Variants in PLCH1 observed in about 807,000 individuals in gnomAD.
The protein encoded by PLCH1 is phospholipase C eta 1, also known as 1-phosphatidylinositol 4,5-bisphosphate phosphodiesterase eta-1.
PLCH1 carries 60 observed loss-of-function variants against 126.7 expected under a neutral mutation model. The observed-to-expected ratio is 0.47, with a 90% CI of 0.38 to 0.59. PLCH1 has a LOEUF of 0.59. Ranked by LOEUF, PLCH1 falls within the 20% of genes least tolerant of loss-of-function variation. The probability of loss-of-function intolerance (pLI) is 0.00; values close to 1 mark genes in which losing one functional copy is unlikely to be tolerated. For synonymous variants in PLCH1, 719 were observed against 734.9 expected, an observed-to-expected ratio of 0.98 and a Z score of 0.35; for missense variants, 1,723 against 2,040.0, an observed-to-expected ratio of 0.84 and a Z score of 2.99.
chr3:155,673,171 C>G (rs903810282), intron 2 of PLCH1, among the ~76,000 whole-genome samples: 3 of 149,704 alleles, frequency 2.0e-5, no homozygotes, highest in Non-Finnish European at 3.0e-5. Context: ...GCTTATACAC[C>G]TGACATCATC....
chr3:155,709,722 A>G (rs761060885), intron 1 of PLCH1, among the ~76,000 whole-genome samples: 8 of 151,770 alleles, frequency 5.3e-5, no homozygotes, highest in Non-Finnish European at 5.9e-5. Flanking sequence ...GGCTCAAGCA[A>G]TCCTTCCATC....
chr3:155,584,670 T>C (rs556116274), intron 5 of PLCH1, among the ~76,000 whole-genome samples: 1 of 152,348 alleles, frequency 6.6e-6, no homozygotes, highest in African/African-American at 2.4e-5. Flanking sequence ...ATGCATAGAA[T>C]TTGTGAAGTA....
chr3:155,519,214 TG>T (rs1182726169), intron 11 of PLCH1, among the ~76,000 whole-genome samples: 2 of 152,188 alleles, frequency 1.3e-5, no homozygotes, highest in Non-Finnish European at 2.9e-5. Context: ...ACCATGCACC[TG>T]CAGCAGGGAC....
At chr3:155,700,814 A>T (rs16825322) in intron 2 of PLCH1, among the ~76,000 whole-genome samples, 2,247 of 152,312 alleles carry the variant, frequency 0.015, 59 homozygotes, top group African/African-American at 0.051. Flanking sequence ...GGTATAGGCA[A>T]TTTTCAAATC....
intron 2 of PLCH1, among the ~76,000 whole-genome samples, chr3:155,671,170 C>T (rs1743397836): frequency 6.6e-6 from 1 of 152,202 alleles, no homozygotes; most frequent in South Asian, 2.1e-4. Context: ...CTACCAGTTA[C>T]AGCTGACCTA....
chr3:155,586,023 C>T (rs751855231), intron 5 of PLCH1, 42 bp downstream of exon 5: 2 of 1,581,512 alleles, frequency 1.3e-6, no homozygotes, highest in Non-Finnish European at 1.7e-6. Context: ...TTAATAACCT[C>T]TGTGTATTTT....
intron 12 of PLCH1, among the ~76,000 whole-genome samples, chr3:155,510,741 G>A: frequency 9.2e-6 from 1 of 108,148 alleles, no homozygotes; most frequent in South Asian, 3.2e-4. Context: ...AGTCTGATGG[G>A]CTTTCGTTTG....
intron 10 of PLCH1, among the ~76,000 whole-genome samples, chr3:155,526,761 G>A (rs1485954558): frequency 6.6e-6 from 1 of 152,156 alleles, no homozygotes; most frequent in Non-Finnish European, 1.5e-5. Context: ...CCACACCCAG[G>A]TTCCTGACCT....
chr3:155,629,616 C>T (rs1737783050), intron 2 of PLCH1, among the ~76,000 whole-genome samples: 1 of 152,186 alleles, frequency 6.6e-6, no homozygotes, highest in Admixed American at 6.5e-5. Flanking sequence ...TTTGCAATAA[C>T]CCACATCTGC....
At chr3:155,591,092 G>T (rs1050942812) in intron 4 of PLCH1, among the ~76,000 whole-genome samples, 2 of 152,210 alleles carry the variant, frequency 1.3e-5, no homozygotes, top group Non-Finnish European at 2.9e-5. Context: ...GCAAAAAGAT[G>T]ATTTATGCCC....
At chr3:155,455,519 A>T (rs1449137844) in intron 21 of PLCH1, among the ~76,000 whole-genome samples, 1 of 152,252 alleles carries the variant, frequency 6.6e-6, no homozygotes, top group African/African-American at 2.4e-5. Flanking sequence ...CGTTCAGAAA[A>T]TGTGGACACC....
At chr3:155,530,664 A>G (rs1003548624) in intron 10 of PLCH1, among the ~76,000 whole-genome samples, 1 of 152,300 alleles carries the variant, frequency 6.6e-6, no homozygotes, top group Admixed American at 6.5e-5. Context: ...AACGTCATCC[A>G]TCAGGATTGG....
At chr3:155,620,025 A>C (rs1292323976) in intron 2 of PLCH1, among the ~76,000 whole-genome samples, 2 of 152,228 alleles carry the variant, frequency 1.3e-5, no homozygotes, top group African/African-American at 4.8e-5. Flanking sequence ...TGAGTAACTA[A>C]GTGTTCATCA....
intron 8 of PLCH1, among the ~76,000 whole-genome samples, chr3:155,557,378 C>G (rs923359787): frequency 6.6e-6 from 1 of 152,170 alleles, no homozygotes; most frequent in African/African-American, 2.4e-5. Flanking sequence ...GGCGACAAAG[C>G]AATACCTTGC....
chr3:155,461,592 C>G (rs1274847417), intron 21 of PLCH1, among the ~76,000 whole-genome samples: 2 of 152,192 alleles, frequency 1.3e-5, no homozygotes, highest in Non-Finnish European at 2.9e-5. Context: ...GTGTCACTCC[C>G]TCAACTCATA....
At chr3:155,469,508 C>T (rs1229815193) in intron 21 of PLCH1, among the ~76,000 whole-genome samples, 9 of 152,196 alleles carry the variant, frequency 5.9e-5, no homozygotes, top group Non-Finnish European at 1.3e-4. Flanking sequence ...GAGGGGCGCC[C>T]GCCATTGCCC....
At chr3:155,525,044 G>A (rs867927120) in intron 10 of PLCH1, among the ~76,000 whole-genome samples, 2 of 152,138 alleles carry the variant, frequency 1.3e-5, no homozygotes, top group African/African-American at 4.8e-5. Context: ...ACTTGGCTGG[G>A]CACAAAAGCT....
intron 1 of PLCH1, among the ~76,000 whole-genome samples, chr3:155,739,517 T>C (rs1416313386): frequency 6.8e-4 from 104 of 152,332 alleles, no homozygotes; most frequent in African/African-American, 2.5e-3. Flanking sequence ...CAGACCTGAA[T>C]TTACAACCTC....
At chr3:155,682,903 T>C (rs1047795834) in intron 2 of PLCH1, among the ~76,000 whole-genome samples, 2 of 152,180 alleles carry the variant, frequency 1.3e-5, no homozygotes, top group African/African-American at 2.4e-5. Flanking sequence ...GCTGAATAAA[T>C]GCTGAGAATA....
Sources: allele counts gnomAD v4.1 joint callset (sites outside exome capture counted in the v4.1 genomes callset), GRCh38; gene constraint gnomAD v4.1.1; transcripts MANE v1.5; gene names NCBI Gene and HGNC (gene_info 2026-07-23, HGNC 2026-07-21).